CCDC192: variants seen among roughly 807,000 people sequenced by gnomAD.
The protein encoded by CCDC192 is coiled-coil domain containing 192.
At chr5:127,708,918 G>A (rs932146141) in intron 2 of CCDC192, among the ~76,000 whole-genome samples, 10 of 151,896 alleles carry the variant, frequency 6.6e-5, no homozygotes, top group Non-Finnish European at 7.4e-5. Flanking sequence ...GTTCGTTCTC[G>A]CACCACTATA....
rs368075731 is a variant in CCDC192, at chr5:127,798,710, A to AT, written c.411+554dup. On this transcript the variant is annotated intron_variant, in intron 5 of 6. Transcript: ENST00000514853. ...CGTTAAGTGACATTATTTTTTATAC[A>AT]TTTTTTATACATACATATATATATT... Among the ~76,000 whole-genome samples, 999 of 150,888 alleles carry AT rather than the reference A, an allele frequency of 6.6e-3. 12 individuals carry two copies. Among genetic ancestry groups the AT allele is most frequent in the African/African-American group, 0.023 (958 of 41,218 alleles).
At chr5:127,744,757 T>C (rs1446595755) in intron 2 of CCDC192, among the ~76,000 whole-genome samples, 9 of 152,356 alleles carry the variant, frequency 5.9e-5, no homozygotes, top group Admixed American at 5.2e-4. Context: ...TAGAGAGTCT[T>C]AATACCAAAT....
intron 3 of CCDC192, among the ~76,000 whole-genome samples, chr5:127,765,585 T>A (rs367684071): frequency 1.8e-4 from 28 of 152,368 alleles, no homozygotes; most frequent in Middle Eastern, 3.4e-3. Context: ...TACAAACTGC[T>A]GATTTATGAC....
At chr5:127,900,595 G>T (rs1187040362) in intron 6 of CCDC192, among the ~76,000 whole-genome samples, 1 of 152,168 alleles carries the variant, frequency 6.6e-6, no homozygotes, top group Non-Finnish European at 1.5e-5. Context: ...TTAGCCAGAT[G>T]CTTAAATGAA....
chr5:127,755,993 C>G (rs72790349), intron 3 of CCDC192, among the ~76,000 whole-genome samples: 1 of 151,946 alleles, frequency 6.6e-6, no homozygotes, highest in Non-Finnish European at 1.5e-5. Context: ...ATTAGCCCAG[C>G]GTAGTGGGTG....
chr5:127,817,969 C>T (rs576704347), intron 5 of CCDC192, among the ~76,000 whole-genome samples: 1 of 152,210 alleles, frequency 6.6e-6, no homozygotes, highest in Admixed American at 6.5e-5. Context: ...TACAAATCCA[C>T]AATTCTTCAA....
chr5:127,784,952 T>A, intron 3 of CCDC192: 1 of 473,580 alleles, frequency 2.1e-6, no homozygotes. Flanking sequence ...GTATCTGTCT[T>A]CAATTCCACC....
intron 3 of CCDC192, chr5:127,785,817 C>A (rs1756505523): frequency 6.2e-6 from 2 of 325,010 alleles, no homozygotes; most frequent in East Asian, 8.4e-5. Context: ...GATAAATAGG[C>A]CATCTTGGTA....
intron 6 of CCDC192, among the ~76,000 whole-genome samples, chr5:127,910,008 A>G (rs897526777): frequency 6.6e-6 from 1 of 152,224 alleles, no homozygotes; most frequent in Non-Finnish European, 1.5e-5. Context: ...GATGCCAAGA[A>G]AAGCACCTGT....
At chr5:127,790,320 G>T (rs1349816602) in intron 3 of CCDC192, among the ~76,000 whole-genome samples, 1 of 152,008 alleles carries the variant, frequency 6.6e-6, no homozygotes, top group East Asian at 1.9e-4. Flanking sequence ...AGGCCATTTT[G>T]GGATATGTTT....
At chr5:127,779,866 C>A (rs765650977) in intron 3 of CCDC192, among the ~76,000 whole-genome samples, 36 of 151,986 alleles carry the variant, frequency 2.4e-4, no homozygotes, top group Non-Finnish European at 4.6e-4. Flanking sequence ...TATTTGTAAT[C>A]TTTTATCCCT....
chr5:127,913,734 G>A (rs1430786252), intron 6 of CCDC192, among the ~76,000 whole-genome samples: 1 of 152,228 alleles, frequency 6.6e-6, no homozygotes, highest in African/African-American at 2.4e-5. Context: ...GGGATCTGTT[G>A]TCAACTTCCT....
At chr5:127,730,262 A>G (rs1312035759) in intron 2 of CCDC192, among the ~76,000 whole-genome samples, 2 of 152,208 alleles carry the variant, frequency 1.3e-5, no homozygotes, top group African/African-American at 2.4e-5. Context: ...CAAATAAACT[A>G]GAAAATCTAG....
At chr5:127,805,292 A>G (rs1352484227) in intron 5 of CCDC192, among the ~76,000 whole-genome samples, 1 of 152,220 alleles carries the variant, frequency 6.6e-6, no homozygotes, top group East Asian at 1.9e-4. Context: ...CTCCTTGATC[A>G]GCAGAAGAAA....
rs140824661 is a variant in CCDC192, at chr5:127,902,482, T to A, written c.535+26821T>A. Among the ~76,000 whole-genome samples, 49 of 152,254 alleles carry A rather than the reference T, an allele frequency of 3.2e-4. No individual in the cohort carries two copies. The East Asian group carries it at 4.6e-3, about 14-fold the overall frequency. On this transcript the variant is annotated intron_variant, in intron 6 of 6. Coordinates refer to ENST00000514853, the MANE Select transcript of CCDC192 (RefSeq NM_001317938.2). ...TCCTGCTCTCATTTAGTTTAGGGAA[T>A]GCTCTTTAACTAACATAAACGTTCC...
chr5:127,709,144 GAA>G (rs1751145991), intron 2 of CCDC192, among the ~76,000 whole-genome samples: 2 of 111,512 alleles, frequency 1.8e-5, no homozygotes, highest in South Asian at 3.6e-4. Context: ...AGGGAGGAGA[GAA>G]AGAAGAGAGA....
At chr5:127,760,394 A>G (rs560429921) in intron 3 of CCDC192, among the ~76,000 whole-genome samples, 5 of 152,180 alleles carry the variant, frequency 3.3e-5, no homozygotes, top group South Asian at 2.1e-4. Flanking sequence ...ATGATTTCCC[A>G]TGGAAACTCT....
intron 5 of CCDC192, among the ~76,000 whole-genome samples, chr5:127,811,302 A>C (rs773211420): frequency 6.6e-6 from 1 of 152,176 alleles, no homozygotes; most frequent in Non-Finnish European, 1.5e-5. Flanking sequence ...TTCCCAACCA[A>C]AGGCTTTCCA....
chr5:127,938,896 T>C (rs1470490804), intron 6 of CCDC192, among the ~76,000 whole-genome samples: 1 of 151,696 alleles, frequency 6.6e-6, no homozygotes, highest in Non-Finnish European at 1.5e-5. Flanking sequence ...TCCTGCCATA[T>C]GGACTCCCTC....
Sources: allele counts gnomAD v4.1 joint callset (sites outside exome capture counted in the v4.1 genomes callset), GRCh38; gene constraint gnomAD v4.1.1; transcripts MANE v1.5; gene names NCBI Gene and HGNC (gene_info 2026-07-23, HGNC 2026-07-21).